Variants in SPDYE21 observed in about 807,000 individuals in gnomAD.
SPDYE21 encodes the protein speedy/RINGO cell cycle regulator family member E21, also known as speedy protein E21.
SPDYE21 carries 14 observed loss-of-function variants against 36.2 expected under a neutral mutation model. The ratio of observed to expected loss-of-function variants is 0.39; its 90% CI spans 0.26 to 0.61. SPDYE21 has a LOEUF of 0.61. Among genes scored for constraint, SPDYE21 ranks in the 20% least tolerant of loss-of-function variants. The pLI, the probability that SPDYE21 is intolerant of heterozygous loss-of-function variation, is 0.55. For synonymous variants in SPDYE21, 58 were observed against 155.1 expected, an observed-to-expected ratio of 0.37 and a Z score of 4.65; for missense variants, 233 against 424.6, an observed-to-expected ratio of 0.55 and a Z score of 3.97.
chr7:67,279,713 A>G lies in SPDYE21; in HGVS notation c.161-105A>G. On this transcript the variant is annotated intron_variant, in intron 2 of 8. Transcript: ENST00000424157. ...AGACAGATGGCTTAGAGAAGCCAGC[A>G]GTCTGCGAGGCTGGGGAGGATGGAG... The G allele has an allele frequency of 6.9e-6, 11 of 1,593,158 alleles. No individual in the cohort carries two copies. The South Asian group carries it at 1.2e-4, about 18-fold the overall frequency.
At position 67,288,545 on chromosome 7, in the gene SPDYE21, C is replaced by A. The variant is rs1394028845; in HGVS notation, c.*1073C>A. Among the ~76,000 whole-genome samples the A allele has an allele frequency of 6.8e-6, 1 of 146,944 alleles. No homozygotes were observed. Among genetic ancestry groups the A allele is most frequent in the African/African-American group, 2.5e-5 (1 of 39,848 alleles). ...TATTATTTTAAATATTTTGGAAATA[C>A]TGGTATTTTTGAATAGATGCTGTTT... On this transcript the variant is annotated 3_prime_UTR_variant, in exon 9 of 9. Coordinates refer to ENST00000424157, the MANE Select transcript of SPDYE21 (RefSeq NM_001382715.2).
chr7:67,286,327 C>T lies in SPDYE21; in HGVS notation c.1039C>T (p.Pro347Ser). The change falls in exon 7 of 9, where the codon CCG becomes TCG. Residue 347 changes from proline (P) to serine (S), a missense_variant. Physicochemically the swap from Pro to Ser is moderately conservative, Grantham distance 74. Around this residue, in one of 4 missense-constraint regions of SPDYE21, gnomAD observed 139 missense variants for 175.8 expected, o/e 0.79. Coordinates refer to ENST00000424157, the MANE Select transcript of SPDYE21 (RefSeq NM_001382715.2). ...RRFQLRRCMN[P>S]RARKNRSQIV... Reference sequence around the variant, plus strand: ...GTTCCAGTTACGCCGTTGCATGAACCCGAGGGCCAGGAAGAACCGCTCTCA... The same window carrying T: ...GTTCCAGTTACGCCGTTGCATGAACTCGAGGGCCAGGAAGAACCGCTCTCA... The T allele has an allele frequency of 2.5e-6, 4 of 1,613,682 alleles. No individual in the cohort carries two copies. The highest frequency in any genetic ancestry group is 3.4e-6 in the Non-Finnish European group (4 of 1,179,848).
At position 67,282,515 on chromosome 7, in the gene SPDYE21, C is replaced by T; in HGVS notation, c.611-120C>T. The T allele has an allele frequency of 4.6e-6, 5 of 1,082,910 alleles. No homozygotes were observed. The Admixed American group carries it at 5.1e-5, about 11-fold the overall frequency. The allele number at this position is 1,082,910 out of a possible 1,614,324, so 67.1% of individuals were successfully genotyped here. ...GAAAGTCATTCTCCCCTCTCCCATC[C>T]ACCTCACCCGCGGCCACAATCCTGA... On this transcript the variant is annotated intron_variant, in intron 4 of 8. Coordinates refer to ENST00000424157, the MANE Select transcript of SPDYE21 (RefSeq NM_001382715.2).
At chr7:67,286,458 T>G (rs1584749900) in intron 7 of SPDYE21, among the ~76,000 whole-genome samples, 21 bp downstream of exon 7, 21 of 143,014 alleles carry the variant, frequency 1.5e-4, no homozygotes, top group African/African-American at 3.4e-4. Flanking sequence ...CCTGGGGAGG[T>G]GGAGGAGGTG....
chr7:67,284,442 T>C (rs1802693308), intron 6 of SPDYE21, among the ~76,000 whole-genome samples: 2 of 78,862 alleles, frequency 2.5e-5, no homozygotes, highest in East Asian at 7.6e-4. Context: ...GAGTGAGACT[T>C]TTTCTCAAAA....
At position 67,282,688 on chromosome 7, in the gene SPDYE21, G is replaced by T. The variant is rs1802660335; in HGVS notation, c.664G>T (p.Asp222Tyr). 6.7e-7 allele frequency: 1 copy of T among 1,497,776 alleles called. No individual in the cohort carries two copies. The highest frequency in any genetic ancestry group is 8.9e-7 in the Non-Finnish European group (1 of 1,119,676). 92.8% of individuals were successfully genotyped at this position (1,497,776 alleles called of 1,614,324 possible). Residue 222 changes from aspartate (D) to tyrosine (Y), a missense_variant, in exon 5 of 9, where the codon GAC becomes TAC. Transcript: ENST00000424157. ...LAWDKDLRVS[D>Y]KYLLAMVIVY... is the part of the protein sequence containing the mutation. ...CTGGGACAAAGATCTGAGGGTGTCGGACAAGGTAAGGTTGTTCTCCATGTA... is the reference window on the plus strand; with the variant it reads ...CTGGGACAAAGATCTGAGGGTGTCGTACAAGGTAAGGTTGTTCTCCATGTA...
At chr7:67,278,991 C>G (rs1467259349) in intron 2 of SPDYE21, among the ~76,000 whole-genome samples, 118 bp downstream of exon 2, 123 of 149,460 alleles carry the variant, frequency 8.2e-4, no homozygotes, top group Middle Eastern at 3.4e-3. Flanking sequence ...GCGGGCGGAT[C>G]ACCTGAGGTC....
At chr7:67,281,845 G>A (rs1272036331) in intron 4 of SPDYE21, among the ~76,000 whole-genome samples, 9 of 151,124 alleles carry the variant, frequency 6.0e-5, no homozygotes, top group Admixed American at 2.6e-4. Context: ...AGTGGCTCCC[G>A]CCTGAGATCC....
chr7:67,285,852 T>C (rs562375004), intron 6 of SPDYE21, among the ~76,000 whole-genome samples, 192 bp from the exon 7 acceptor site: 38 of 152,178 alleles, frequency 2.5e-4, no homozygotes, highest in African/African-American at 9.1e-4. Context: ...GTCTCCATCC[T>C]GAAGGAGTGG....
At chr7:67,277,742 C>T (rs1802564355) in intron 1 of SPDYE21, among the ~76,000 whole-genome samples, 1 of 150,224 alleles carries the variant, frequency 6.7e-6, no homozygotes, top group Non-Finnish European at 1.5e-5. Flanking sequence ...TTGACTTAGT[C>T]TTTTTGTACA....
intron 1 of SPDYE21, among the ~76,000 whole-genome samples, chr7:67,277,404 CTT>C (rs948905475): frequency 1.8e-5 from 2 of 109,688 alleles, no homozygotes; most frequent in Non-Finnish European, 4.2e-5. Flanking sequence ...TCATGTAACT[CTT>C]TCATTTTTTA....
rs1006031665 is a variant in SPDYE21 at position 67,286,015 on chromosome 7, C to T, written c.756-29C>T. 21 of 1,611,750 alleles carry T rather than the reference C, an allele frequency of 1.3e-5. No individual in the cohort carries two copies. In the African/African-American group the frequency reaches 2.5e-4, roughly 19 times the overall value. On this transcript the variant is annotated intron_variant, in intron 6 of 8. Coordinates refer to ENST00000424157, the MANE Select transcript of SPDYE21 (RefSeq NM_001382715.2). Reference sequence around the variant, plus strand: ...CCGGAGGCCTCTCCTGGTGGTGCCCCTGAGCAGCAACCTGATTTCTATCCT... The same window carrying T: ...CCGGAGGCCTCTCCTGGTGGTGCCCTTGAGCAGCAACCTGATTTCTATCCT...
intron 2 of SPDYE21, among the ~76,000 whole-genome samples, chr7:67,279,502 T>C (rs1409796003): frequency 6.6e-6 from 1 of 151,508 alleles, no homozygotes; most frequent in Non-Finnish European, 1.5e-5. Context: ...TGCAGTGAGC[T>C]GAGATTGCAC....
intron 2 of SPDYE21, among the ~76,000 whole-genome samples, chr7:67,279,272 G>A (rs1802592730): frequency 6.8e-6 from 1 of 148,108 alleles, no homozygotes; most frequent in African/African-American, 2.5e-5. Context: ...GAGAAATTCA[G>A]GCTGGGTGCA....
chr7:67,279,523 C>A (rs1237928251), intron 2 of SPDYE21, among the ~76,000 whole-genome samples: 1 of 151,896 alleles, frequency 6.6e-6, no homozygotes, highest in South Asian at 2.1e-4. Context: ...CACTACACTC[C>A]AGCCTGGGTG....
At chr7:67,281,099 C>CAAAAAAAAAAAAAAA (rs3972832) in intron 3 of SPDYE21, among the ~76,000 whole-genome samples, 1 of 43,766 alleles carries the variant, frequency 2.3e-5, no homozygotes, top group African/African-American at 8.6e-5. Flanking sequence ...ACAACAACAA[C>CAAAAAAAAAAAAAAA]AAAAAAAAAA....
At chr7:67,277,707 A>C (rs1241442335) in intron 1 of SPDYE21, among the ~76,000 whole-genome samples, 3 of 151,714 alleles carry the variant, frequency 2.0e-5, no homozygotes, top group African/African-American at 7.3e-5. Flanking sequence ...TACAAGCATG[A>C]GCCACTGTGC....
rs2116508888 is a variant in SPDYE21, at chr7:67,282,506, T to G, written c.611-129T>G. On this transcript the variant is annotated intron_variant, in intron 4 of 8. Transcript: ENST00000424157. ...TTGCCCAGTGAAAGTCATTCTCCCCTCTCCCATCCACCTCACCCGCGGCCA... is the reference window on the plus strand; with the variant it reads ...TTGCCCAGTGAAAGTCATTCTCCCCGCTCCCATCCACCTCACCCGCGGCCA... The G allele has an allele frequency of 4.1e-5, 34 of 834,066 alleles. 1 individual carries two copies. In the South Asian group the frequency reaches 4.6e-4, roughly 11 times the overall value. The allele number at this position is 834,066 out of a possible 1,614,324, so 51.7% of individuals were successfully genotyped here.
At chr7:67,284,841 C>G (rs556072955) in intron 6 of SPDYE21, among the ~76,000 whole-genome samples, 1 of 152,012 alleles carries the variant, frequency 6.6e-6, no homozygotes, top group African/African-American at 2.4e-5. Flanking sequence ...TAGCTGATGC[C>G]TTTCTCTATC....
Sources: gnomAD v4.1 joint callset for allele counts (sites outside exome capture counted in the v4.1 genomes callset) on GRCh38, gnomAD v4.1.1 for gene constraint, gnomAD v4.1.1 regional missense constraint, MANE v1.5 for transcripts, NCBI Gene and HGNC (gene_info 2026-07-23, HGNC 2026-07-21) for gene names.